The following ROBO2 variants were observed in gnomAD, a reference collection of about 807,000 sequenced individuals.
The protein encoded by ROBO2 is roundabout homolog 2.
Under a neutral mutation model 160.8 loss-of-function variants are expected in ROBO2, and 53 were observed. The ratio of observed to expected loss-of-function variants is 0.33; its 90% confidence interval spans 0.26 to 0.41. The LOEUF is 0.41. Among genes scored for constraint, ROBO2 ranks in the 10% least tolerant of loss-of-function variants. The pLI is 1.00. For synonymous variants in ROBO2, 664 were observed against 611.7 expected, an observed-to-expected ratio of 1.09 and a Z score of -1.26; for missense variants, 1,577 against 1,722.4, an observed-to-expected ratio of 0.92 and a Z score of 1.49.
chr3:76,056,580 A>AAAAAG (rs2067856003), intron 2 of ROBO2, among the ~76,000 whole-genome samples: 2 of 152,198 alleles, frequency 1.3e-5, no homozygotes, highest in African/African-American at 4.8e-5. Flanking sequence ...ACAAAAAAAG[A>AAAAAG]AAAAGAAAAG....
At position 76,157,992 on chromosome 3, in the gene ROBO2, A is replaced by G. The variant is rs1281719603; in HGVS notation, c.109+220390A>G. 2.0e-5 allele frequency among the ~76,000 whole-genome samples: 3 copies of G among 152,118 alleles called. No homozygotes were observed. In the South Asian group the frequency reaches 6.2e-4, roughly 32 times the overall value. ...ATCAGAAAATGCCTTTAATTTGTAT[A>G]TATTAGTAATCTCTCTAAGAAGTTC... is the stretch of plus-strand genomic sequence containing the variant. On this transcript the variant is annotated intron_variant, in intron 2 of 26. Coordinates refer to the ROBO2 transcript ENST00000487694.
intron 2 of ROBO2, among the ~76,000 whole-genome samples, chr3:76,199,382 T>C (rs1702412346): frequency 6.6e-6 from 1 of 152,112 alleles, no homozygotes; most frequent in African/African-American, 2.4e-5. Context: ...GCAATTGAAC[T>C]CTTCCAAAAA....
chr3:77,008,197 T>C (rs4453883), intron 2 of ROBO2, among the ~76,000 whole-genome samples: 72,964 of 151,788 alleles, frequency 0.48, 18,145 homozygotes, highest in Middle Eastern at 0.55. Context: ...TTTCTTGAAC[T>C]TGAAATTTAA....
At chr3:77,453,674 G>GA (rs1268618237) in intron 2 of ROBO2, among the ~76,000 whole-genome samples, 7 of 152,062 alleles carry the variant, frequency 4.6e-5, no homozygotes, top group African/African-American at 1.7e-4. Context: ...TTATCTCTGA[G>GA]AAGTATTAAA....
chr3:77,299,531 T>C (rs35828536), intron 2 of ROBO2, among the ~76,000 whole-genome samples: 1,962 of 152,184 alleles, frequency 0.013, 17 homozygotes, highest in South Asian at 0.034. Flanking sequence ...GAAGGAAAAG[T>C]GCTGAGCAAA....
chr3:75,985,230 C>T (rs1259188372), intron 2 of ROBO2, among the ~76,000 whole-genome samples: 1 of 151,446 alleles, frequency 6.6e-6, no homozygotes, highest in African/African-American at 2.4e-5. Flanking sequence ...TTCTCACCTG[C>T]TTCAGACTTT....
intron 17 of ROBO2, among the ~76,000 whole-genome samples, chr3:77,593,115 A>G (rs997195071): frequency 1.3e-5 from 2 of 152,108 alleles, no homozygotes; most frequent in Non-Finnish European, 2.9e-5. Context: ...TTTGAGGTGT[A>G]ACCCATGAGC....
At chr3:77,252,831 A>AAAAAAAAAAAAATATAT in intron 2 of ROBO2, among the ~76,000 whole-genome samples, 1 of 12,522 alleles carries the variant, frequency 8.0e-5, no homozygotes, top group African/African-American at 1.6e-4. Flanking sequence ...AAAAAAAAAA[A>AAAAAAAAAAAAATATAT]ATATATATAT....
At chr3:76,545,565 G>A (rs1203615092) in intron 2 of ROBO2, among the ~76,000 whole-genome samples, 1 of 151,826 alleles carries the variant, frequency 6.6e-6, no homozygotes, top group Non-Finnish European at 1.5e-5. Context: ...TTCTAACATT[G>A]TTAATTTTTT....
intron 2 of ROBO2, among the ~76,000 whole-genome samples, chr3:77,222,150 C>T (rs1481410256): frequency 1.3e-5 from 2 of 152,106 alleles, no homozygotes; most frequent in Non-Finnish European, 2.9e-5. Context: ...CGTGCCCGGC[C>T]CAATGGACTC....
chr3:77,162,776 A>G (rs1424204647), intron 2 of ROBO2, among the ~76,000 whole-genome samples: 1 of 152,210 alleles, frequency 6.6e-6, no homozygotes, highest in Non-Finnish European at 1.5e-5. Flanking sequence ...ACTAGAGGTC[A>G]GAGACATTCA....
chr3:77,456,642 G>A (rs1296770909), intron 2 of ROBO2, among the ~76,000 whole-genome samples: 1 of 152,182 alleles, frequency 6.6e-6, no homozygotes, highest in Admixed American at 6.6e-5. Flanking sequence ...GAAGATCTTA[G>A]GTGCCATATG....
chr3:77,121,757 T>G (rs1021033622), intron 2 of ROBO2, among the ~76,000 whole-genome samples: 4 of 152,132 alleles, frequency 2.6e-5, no homozygotes, highest in Admixed American at 1.3e-4. Context: ...GTAATAATTC[T>G]AAGTGTCAGT....
chr3:76,225,432 A>T (rs1704225266), intron 2 of ROBO2, among the ~76,000 whole-genome samples: 1 of 152,198 alleles, frequency 6.6e-6, no homozygotes, highest in Non-Finnish European at 1.5e-5. Context: ...AAATGAATTC[A>T]GGCCAGGTGT....
At chr3:77,398,491 A>G (rs763616159) in intron 2 of ROBO2, among the ~76,000 whole-genome samples, 4 of 152,164 alleles carry the variant, frequency 2.6e-5, no homozygotes. Context: ...AATTACTTAC[A>G]TGGAAAAAAA....
chr3:77,219,481 T>TA (rs1215233463), intron 2 of ROBO2, among the ~76,000 whole-genome samples: 2 of 130,958 alleles, frequency 1.5e-5, no homozygotes. Flanking sequence ...TATATATATA[T>TA]ATAATCTGTA....
intron 2 of ROBO2, among the ~76,000 whole-genome samples, chr3:77,404,192 C>T (rs2153515042): frequency 6.6e-6 from 1 of 152,134 alleles, no homozygotes; most frequent in East Asian, 1.9e-4. Context: ...TAGAGCAAAG[C>T]CTTATGGAAT....
chr3:76,336,485 T>G (rs1165551053), intron 2 of ROBO2, among the ~76,000 whole-genome samples: 2 of 152,226 alleles, frequency 1.3e-5, no homozygotes, highest in Non-Finnish European at 2.9e-5. Context: ...GTCCCTTTTA[T>G]GGAGATTATC....
chr3:76,856,683 A>G (rs1196173801), intron 2 of ROBO2, among the ~76,000 whole-genome samples: 1 of 152,154 alleles, frequency 6.6e-6, no homozygotes, highest in Non-Finnish European at 1.5e-5. Context: ...ATTCCCAACA[A>G]GTTCTCAGGT....
Sources: gnomAD v4.1 joint callset for allele counts (sites outside exome capture counted in the v4.1 genomes callset) on GRCh38, gnomAD v4.1.1 for gene constraint, MANE v1.5 for transcripts, NCBI Gene and HGNC (gene_info 2026-07-23, HGNC 2026-07-21) for gene names.